PRKG1: variants seen among roughly 807,000 people sequenced by gnomAD.
The protein encoded by PRKG1 is cGMP-dependent protein kinase 1.
A neutral mutation model predicts 88.1 loss-of-function variants in PRKG1; 35 were observed. The ratio of observed to expected loss-of-function variants is 0.40; its 90% CI spans 0.30 to 0.53. The LOEUF (loss-of-function observed/expected upper bound fraction) is 0.53. Among genes scored for constraint, PRKG1 ranks in the 20% least tolerant of loss-of-function variants. The pLI, the probability that PRKG1 is intolerant of heterozygous loss-of-function variation, is 0.59. For synonymous variants in PRKG1, 303 were observed against 292.5 expected (o/e 1.04, Z -0.37); for missense variants, 540 against 839.8 (o/e 0.64, Z 4.41).
Position 51,748,382 on chromosome 10 carries a change from T to C in PRKG1, c.593-56203T>C, listed in dbSNP as rs78933177. ...ATACTAATGGTGCTGAAGGGAATAT[T>C]TCAGTCTGTATGATAATTAAATTTT... On this transcript the variant is annotated intron_variant, in intron 3 of 17. Transcript: ENST00000373980. Among the ~76,000 whole-genome samples the C allele has an allele frequency of 4.5e-3, 689 of 152,344 alleles. 2 individuals carry two copies. Among genetic ancestry groups the C allele is most frequent in the African/African-American group, 0.016 (668 of 41,592 alleles).
intron 5 of PRKG1, among the ~76,000 whole-genome samples, chr10:52,053,257 G>C (rs943408483): frequency 3.9e-5 from 6 of 151,928 alleles, no homozygotes; most frequent in Non-Finnish European, 7.4e-5. Flanking sequence ...CTTGTTCCTA[G>C]AAAACTGAAT....
chr10:51,072,449 T>G (rs997312568), upstream of PRKG1, among the ~76,000 whole-genome samples: 6 of 152,130 alleles, frequency 3.9e-5, no homozygotes, highest in Non-Finnish European at 8.8e-5. Flanking sequence ...AGAAGGAAAT[T>G]TTCATGGAAG....
chr10:51,864,902 G>A (rs1175282260), intron 4 of PRKG1, among the ~76,000 whole-genome samples: 1 of 152,058 alleles, frequency 6.6e-6, no homozygotes, highest in African/African-American at 2.4e-5. Flanking sequence ...GAGAATTTTT[G>A]TATGTCACCT....
chr10:51,698,730 C>A, intron 3 of PRKG1: 1 of 1,614,202 alleles, frequency 6.2e-7, no homozygotes, highest in Non-Finnish European at 8.5e-7. Flanking sequence ...GGACCAGCTC[C>A]GGGAACTGCA....
intron 9 of PRKG1, among the ~76,000 whole-genome samples, chr10:52,220,611 C>CT (rs1405500635): frequency 6.6e-6 from 1 of 152,032 alleles, no homozygotes; most frequent in African/African-American, 2.4e-5. Flanking sequence ...TTGTTCCCCT[C>CT]TATGTGTCTA....
intron 2 of PRKG1, among the ~76,000 whole-genome samples, chr10:51,163,213 C>G (rs1241563666): frequency 5.3e-5 from 8 of 152,178 alleles, no homozygotes; most frequent in African/African-American, 1.9e-4. Flanking sequence ...TATTTACTTT[C>G]TATTTGCTGT....
At chr10:51,991,454 A>G (rs1190967819) in intron 5 of PRKG1, among the ~76,000 whole-genome samples, 1 of 152,012 alleles carries the variant, frequency 6.6e-6, no homozygotes, top group African/African-American at 2.4e-5. Flanking sequence ...ATATGTGTAC[A>G]TGCGCCATGT....
At chr10:51,559,318 G>A (rs1439761289) in intron 3 of PRKG1, among the ~76,000 whole-genome samples, 1 of 152,070 alleles carries the variant, frequency 6.6e-6, no homozygotes, top group Non-Finnish European at 1.5e-5. Flanking sequence ...AGGCTCCATT[G>A]ATTTTCCCTG....
intron 2 of PRKG1, among the ~76,000 whole-genome samples, chr10:51,259,118 T>G (rs902188484): frequency 1.3e-5 from 2 of 152,202 alleles, no homozygotes; most frequent in African/African-American, 4.8e-5. Context: ...AGTGTAAAAT[T>G]TAAAATACAG....
intron 2 of PRKG1, among the ~76,000 whole-genome samples, chr10:51,374,093 A>AAAAAAAATATATAT: frequency 4.0e-5 from 4 of 100,144 alleles, no homozygotes; most frequent in African/African-American, 1.0e-4. Flanking sequence ...AAAAAAAAAA[A>AAAAAAAATATATAT]ATATATATAT....
chr10:51,050,302 T>C (rs1048096837), intron 1 of PRKG1, among the ~76,000 whole-genome samples: 15 of 152,008 alleles, frequency 9.9e-5, no homozygotes, highest in Admixed American at 3.9e-4. Flanking sequence ...CTTGTACCCT[T>C]TGACTAATAC....
chr10:51,257,639 G>C (rs559169206), intron 2 of PRKG1, among the ~76,000 whole-genome samples: 18 of 152,060 alleles, frequency 1.2e-4, no homozygotes, highest in African/African-American at 4.3e-4. Context: ...TGAGCTCCCT[G>C]CTTTTCTGAC....
chr10:51,569,691 G>T (rs148462832), intron 3 of PRKG1, among the ~76,000 whole-genome samples: 174 of 152,080 alleles, frequency 1.1e-3, no homozygotes, highest in Non-Finnish European at 2.0e-3. Context: ...TTCATACAGA[G>T]CAGTTTGAGC....
intron 2 of PRKG1, among the ~76,000 whole-genome samples, chr10:51,221,876 CTTTT>C (rs11405552): frequency 7.9e-6 from 1 of 127,172 alleles, no homozygotes; most frequent in Admixed American, 8.4e-5. Flanking sequence ...TCTTTTCTTT[CTTTT>C]TTTTTTTTTT....
intron 1 of PRKG1, among the ~76,000 whole-genome samples, chr10:51,093,285 C>T (rs1045384725): frequency 2.0e-5 from 3 of 152,092 alleles, no homozygotes; most frequent in Admixed American, 6.6e-5. Context: ...GTGATTCTGA[C>T]GTGCCTTAAA....
At position 51,399,896 on chromosome 10, in the gene PRKG1, G is replaced by A. The variant is rs147432876; in HGVS notation, c.479-67827G>A. Among the ~76,000 whole-genome samples the A allele has an allele frequency of 9.3e-3, 1,416 of 152,310 alleles. 11 individuals carry two copies. The highest frequency in any genetic ancestry group is 0.022 in the South Asian group (106 of 4,830). On this transcript the variant is annotated intron_variant, in intron 2 of 17. Transcript: ENST00000373980. ...AGAGCATGGAATGTGGGTGCCGGGGGCAGAGGTCTCCTCATTGGGCAGGAT... is the reference window on the plus strand; with the variant it reads ...AGAGCATGGAATGTGGGTGCCGGGGACAGAGGTCTCCTCATTGGGCAGGAT...
intron 2 of PRKG1, among the ~76,000 whole-genome samples, chr10:51,419,315 C>A (rs58282279): frequency 0.03 from 4,581 of 152,178 alleles, 83 homozygotes; most frequent in Non-Finnish European, 0.041. Context: ...AGAGGGCAAG[C>A]AGTAAATCCT....
At chr10:51,070,157 A>C (rs371000116), upstream of PRKG1, among the ~76,000 whole-genome samples, 13 of 152,256 alleles carry the variant, frequency 8.5e-5, no homozygotes, top group Admixed American at 2.6e-4. Flanking sequence ...TCAGCTCTAC[A>C]TCACCTAGTC....
chr10:51,908,734 A>ATATATATATATATATATTTTTTT (rs563212069), intron 5 of PRKG1: 2 of 52,222 alleles, frequency 3.8e-5, no homozygotes, highest in Admixed American at 2.1e-4. Flanking sequence ...TCTATATGTA[A>ATATATATATATATATATTTTTTT]TTTTTTTTTT....
Sources: allele counts gnomAD v4.1 joint callset (sites outside exome capture counted in the v4.1 genomes callset), GRCh38; gene constraint gnomAD v4.1.1; transcripts MANE v1.5; gene names NCBI Gene and HGNC (gene_info 2026-07-23, HGNC 2026-07-21).